NDUFS6: variants seen among roughly 807,000 people sequenced by gnomAD.
NDUFS6 encodes the protein NADH:ubiquinone oxidoreductase subunit S6.
A neutral mutation model predicts 13.2 loss-of-function variants in NDUFS6; 14 were observed. The ratio of observed to expected loss-of-function variants is 1.06; its 90% CI spans 0.70 to 1.66. The LOEUF is 1.66. Ranked by LOEUF, NDUFS6 falls within the 40% of genes most tolerant of loss-of-function variation. The probability of loss-of-function intolerance (pLI) is 0.00; values close to 1 mark genes in which losing one functional copy is unlikely to be tolerated. For missense variants in NDUFS6, 206 were observed against 170.8 expected, an observed-to-expected ratio of 1.21 and a Z score of -1.15; for synonymous variants, 95 against 72.3, an observed-to-expected ratio of 1.31 and a Z score of -1.60.
At chr5:1,811,058 G>A (rs1277492672) in intron 2 of NDUFS6, among the ~76,000 whole-genome samples, 4 of 152,170 alleles carry the variant, frequency 2.6e-5, no homozygotes. Flanking sequence ...TCCACTTAAT[G>A]AAAAGTCAGT....
At chr5:1,802,056 G>T in intron 1 of NDUFS6, 1 of 488,404 alleles carries the variant, frequency 2.0e-6, no homozygotes, top group Non-Finnish European at 3.6e-6. Context: ...GGTTCTCCTC[G>T]GTCAGGATTT....
At chr5:1,802,897 C>T (rs376817917) in intron 2 of NDUFS6, among the ~76,000 whole-genome samples, 3 of 147,664 alleles carry the variant, frequency 2.0e-5, no homozygotes, top group East Asian at 3.9e-4. Context: ...AATTAGAATC[C>T]TTCTGCCTAA....
At chr5:1,808,962 C>T (rs1734169389) in intron 2 of NDUFS6, among the ~76,000 whole-genome samples, 1 of 152,314 alleles carries the variant, frequency 6.6e-6, no homozygotes, top group South Asian at 2.1e-4. Flanking sequence ...CGGTATTCTA[C>T]AGTGTCGATG....
At chr5:1,812,827 C>T (rs369358194) in intron 2 of NDUFS6, among the ~76,000 whole-genome samples, 11 of 151,582 alleles carry the variant, frequency 7.3e-5, no homozygotes, top group African/African-American at 2.4e-4. Flanking sequence ...CCGAGGCGGG[C>T]GGATCACCTA....
intron 3 of NDUFS6, 60 bp from the exon 4 acceptor site, chr5:1,815,791 A>T: frequency 6.6e-7 from 1 of 1,512,136 alleles, no homozygotes; most frequent in Non-Finnish European, 9.2e-7. Flanking sequence ...TTCAATGCTT[A>T]ATATCTAGAT....
At chr5:1,812,085 A>G (rs1174631222) in intron 2 of NDUFS6, among the ~76,000 whole-genome samples, 1 of 152,182 alleles carries the variant, frequency 6.6e-6, no homozygotes, top group Non-Finnish European at 1.5e-5. Flanking sequence ...TGGATAATTT[A>G]TAAGGAACAG....
intron 2 of NDUFS6, among the ~76,000 whole-genome samples, chr5:1,812,691 A>T (rs762939615): frequency 6.0e-5 from 9 of 151,254 alleles, no homozygotes; most frequent in Non-Finnish European, 8.9e-5. Context: ...GTGTTTAGAG[A>T]CCACCATGTG....
At chr5:1,803,021 A>G (rs183110030) in intron 2 of NDUFS6, among the ~76,000 whole-genome samples, 1 of 152,220 alleles carries the variant, frequency 6.6e-6, no homozygotes, top group African/African-American at 2.4e-5. Flanking sequence ...TGCTTCCTGA[A>G]GGATGCTGTG....
At chr5:1,808,979 C>G (rs1442109329) in intron 2 of NDUFS6, among the ~76,000 whole-genome samples, 1 of 152,180 alleles carries the variant, frequency 6.6e-6, no homozygotes, top group Non-Finnish European at 1.5e-5. Flanking sequence ...GATGATCCAG[C>G]TGGTGGACTT....
chr5:1,807,746 G>T (rs760070871), intron 2 of NDUFS6, among the ~76,000 whole-genome samples: 1 of 152,244 alleles, frequency 6.6e-6, no homozygotes, highest in East Asian at 1.9e-4. Flanking sequence ...CATCTCTTGA[G>T]GCCAGCGCAG....
In NDUFS6 at chr5:1,814,692, T is replaced by A; in HGVS notation, c.309+231T>A. The A allele has an allele frequency of 1.4e-6, 1 of 738,456 alleles. No individual in the cohort carries two copies. Among genetic ancestry groups the A allele is most frequent in the Non-Finnish European group, 2.4e-6 (1 of 417,860 alleles). The allele number at this position is 738,456 out of a possible 1,614,324, so 45.7% of individuals were successfully genotyped here. A position where few individuals can be genotyped will look rare whatever the true frequency, so the allele number is the denominator to read the frequency against. ...TGTGAAGTGGTGGGCGGCATGTTTC[T>A]CTTCTCGGACGCCCAAGCGTCTTTC... On this transcript the variant is annotated intron_variant, in intron 3 of 3. Transcript: ENST00000274137. The surrounding 1 kb of genome is among the most constrained non-coding windows in gnomAD (Gnocchi z 4.9).
intron 1 of NDUFS6, 142 bp downstream of exon 1, chr5:1,801,691 C>T (rs1279094162): frequency 7.7e-7 from 1 of 1,293,648 alleles, no homozygotes. Context: ...GCTCACGCGC[C>T]GGGGAGGACG....
At position 1,801,822 on chromosome 5, in the gene NDUFS6, A is replaced by G. The variant is rs974722; in HGVS notation, c.132+273A>G. On this transcript the variant is annotated intron_variant, in intron 1 of 3. Transcript: ENST00000274137. ...CACTTGCTGTGGACTGGCTGCCCAT[A>G]GGCGATTTGTGGCAGCCGATTATTT... Among the ~76,000 whole-genome samples the G allele has an allele frequency of 0.74, 112,108 of 152,234 alleles. 44,420 individuals carry two copies. Among genetic ancestry groups the G allele is most frequent in the Non-Finnish European group, 0.88 (60,004 of 68,024 alleles).
intron 2 of NDUFS6, among the ~76,000 whole-genome samples, chr5:1,810,123 G>A (rs1023711911): frequency 6.6e-6 from 1 of 152,236 alleles, no homozygotes; most frequent in African/African-American, 2.4e-5. Flanking sequence ...TGGGCCTCTA[G>A]TCTCCAGAAA....
Position 1,814,553 on chromosome 5 carries a change from C to T in NDUFS6, c.309+92C>T, listed in dbSNP as rs1297441994. On this transcript the variant is annotated intron_variant, in intron 3 of 3. Transcript: ENST00000274137. This position sits in a 1 kb window ranked among gnomAD's most constrained non-coding sequence, Gnocchi z 4.9. Reference sequence around the variant, plus strand: ...CAGTGCCTGTTCTTTCTGTCCTCTTCTCTACCTGCTCCCGAGGCGGCCCTT... The same window carrying T: ...CAGTGCCTGTTCTTTCTGTCCTCTTTTCTACCTGCTCCCGAGGCGGCCCTT... 6 of 1,588,334 alleles carry T rather than the reference C, an allele frequency of 3.8e-6. No homozygotes were observed. Among genetic ancestry groups the T allele is most frequent in the Non-Finnish European group, 5.2e-6 (6 of 1,163,758 alleles).
chr5:1,801,906 G>A (rs1324646269), intron 1 of NDUFS6, among the ~76,000 whole-genome samples: 1 of 152,270 alleles, frequency 6.6e-6, no homozygotes, highest in Non-Finnish European at 1.5e-5. Flanking sequence ...AACCTGAGAA[G>A]TCGGTTGTAG....
chr5:1,805,795 A>C (rs944440435), intron 2 of NDUFS6, among the ~76,000 whole-genome samples: 3 of 152,262 alleles, frequency 2.0e-5, no homozygotes, highest in African/African-American at 7.2e-5. Context: ...TAATAACAGC[A>C]ATAACAACAG....
chr5:1,808,770 A>T (rs1208615717), intron 2 of NDUFS6, among the ~76,000 whole-genome samples: 1 of 152,232 alleles, frequency 6.6e-6, no homozygotes, highest in Non-Finnish European at 1.5e-5. Flanking sequence ...TTAAAAATTA[A>T]TTTGAATGAA....
chr5:1,806,898 G>A (rs916183067), intron 2 of NDUFS6, among the ~76,000 whole-genome samples: 5 of 152,182 alleles, frequency 3.3e-5, no homozygotes, highest in African/African-American at 1.2e-4. Flanking sequence ...AAGCAGTTTG[G>A]GGGTCCATTG....
Sources: allele counts gnomAD v4.1 joint callset (sites outside exome capture counted in the v4.1 genomes callset), GRCh38; gene constraint gnomAD v4.1.1; non-coding constraint Gnocchi (gnomAD v3.1); transcripts MANE v1.5; gene names NCBI Gene and HGNC (gene_info 2026-07-23, HGNC 2026-07-21).